ACER1: variants seen among roughly 807,000 people sequenced by gnomAD.
The protein encoded by ACER1 is CTB-180A7.3.
A neutral mutation model predicts 24.9 loss-of-function variants in ACER1; 28 were observed. That is an observed-to-expected ratio of 1.13 (90% confidence interval 0.83 to 1.54). ACER1 has a LOEUF of 1.54. Ranked by LOEUF, ACER1 falls within the 40% of genes most tolerant of loss-of-function variation. The pLI, the probability that ACER1 is intolerant of heterozygous loss-of-function variation, is 0.00. For synonymous variants in ACER1, 132 were observed against 131.4 expected (o/e 1.00, Z -0.03); for missense variants, 352 against 349.3 (o/e 1.01, Z -0.06).
At chr19:6,356,451 C>T in the ACER1 span, among the ~76,000 whole-genome samples, 1 of 149,692 alleles carries the variant, frequency 6.7e-6, no homozygotes, top group Non-Finnish European at 1.5e-5. Context: ...CTGCGAGAAA[C>T]ACCCAAGAAT....
chr19:6,357,710 C>T, the ACER1 span, among the ~76,000 whole-genome samples: 1 of 151,574 alleles, frequency 6.6e-6, no homozygotes. Flanking sequence ...CTTCAGTGAG[C>T]CGAGATCGCT....
At chr19:6,352,655 A>G in the ACER1 span, among the ~76,000 whole-genome samples, 1 of 152,252 alleles carries the variant, frequency 6.6e-6, no homozygotes, top group Non-Finnish European at 1.5e-5. Context: ...ATCTTAGTGC[A>G]CAGGTGCACA....
intron 3 of ACER1, 23 bp from the exon 4 acceptor site, chr19:6,309,857 G>A (rs749895269): frequency 6.2e-7 from 1 of 1,613,558 alleles, no homozygotes; most frequent in Non-Finnish European, 8.5e-7. Flanking sequence ...GGGCTCAGCT[G>A]TAGGCGGGAA....
At chr19:6,328,192 A>G (rs970211203) in intron 1 of ACER1, among the ~76,000 whole-genome samples, 5 of 151,452 alleles carry the variant, frequency 3.3e-5, no homozygotes, top group Non-Finnish European at 5.9e-5. Flanking sequence ...TGGATGGCCC[A>G]GAAAGCCAAA....
intron 1 of ACER1, among the ~76,000 whole-genome samples, chr19:6,323,237 A>G (rs111322393): frequency 0.038 from 5,808 of 151,904 alleles, 156 homozygotes; most frequent in Admixed American, 0.054. Flanking sequence ...TGGCTAACAC[A>G]GTGAAACCCC....
chr19:6,346,406 G>A, the ACER1 span, among the ~76,000 whole-genome samples: 1 of 151,004 alleles, frequency 6.6e-6, no homozygotes, highest in South Asian at 2.1e-4. Flanking sequence ...GGTATTCTAA[G>A]GTTATTGGTT....
At chr19:6,340,845 C>A in the ACER1 span, among the ~76,000 whole-genome samples, 7 of 152,098 alleles carry the variant, frequency 4.6e-5, no homozygotes, top group Non-Finnish European at 1.0e-4. Context: ...CAAACAGAGG[C>A]GTGTGAGCTC....
chr19:6,340,332 G>C, the ACER1 span, among the ~76,000 whole-genome samples: 1 of 141,004 alleles, frequency 7.1e-6, no homozygotes, highest in African/African-American at 2.7e-5. Context: ...AGGAAGGAAG[G>C]AAGGAAGGAA....
rs891682721 is a variant in ACER1 at position 6,325,244 on chromosome 19, A to C, written c.93+8215T>G. On this transcript the variant is annotated intron_variant, in intron 1 of 5. Coordinates refer to ENST00000301452, the MANE Select transcript of ACER1 (RefSeq NM_133492.3). ...CCTGACATTCCCAATTTGGCCCCTGAAAACCTTTCCAGTCCTTTCTCTCAC... is the reference window on the plus strand; with the variant it reads ...CCTGACATTCCCAATTTGGCCCCTGCAAACCTTTCCAGTCCTTTCTCTCAC... 2.6e-5 allele frequency among the ~76,000 whole-genome samples: 4 copies of C among 152,166 alleles called. 1 individual carries two copies. Among genetic ancestry groups the C allele is most frequent in the African/African-American group, 9.7e-5 (4 of 41,442 alleles).
At chr19:6,327,597 A>AAAAAT (rs936992347) in intron 1 of ACER1, among the ~76,000 whole-genome samples, 42 of 149,538 alleles carry the variant, frequency 2.8e-4, no homozygotes, top group East Asian at 7.7e-4. Flanking sequence ...ATAATAAAAT[A>AAAAAT]AAAATAAAAT....
At chr19:6,347,628 G>A in the ACER1 span, among the ~76,000 whole-genome samples, 10 of 151,716 alleles carry the variant, frequency 6.6e-5, no homozygotes, top group Non-Finnish European at 1.5e-5. Context: ...CTGGCGTCAG[G>A]AGTTCAAGAC....
intron 1 of ACER1, among the ~76,000 whole-genome samples, chr19:6,319,250 T>G (rs2091618600): frequency 6.6e-6 from 1 of 152,120 alleles, no homozygotes; most frequent in Non-Finnish European, 1.5e-5. Context: ...AGATACTGAC[T>G]AATGGGGGAC....
chr19:6,317,839 C>T (rs2091611230), intron 1 of ACER1, among the ~76,000 whole-genome samples: 1 of 152,036 alleles, frequency 6.6e-6, no homozygotes, highest in Admixed American at 6.6e-5. Context: ...ACTGCAACCT[C>T]CACCGCCCGG....
At chr19:6,335,065 AT>A (rs1216260399), upstream of ACER1, among the ~76,000 whole-genome samples, 4 of 146,770 alleles carry the variant, frequency 2.7e-5, no homozygotes, top group Non-Finnish European at 6.0e-5. Context: ...AAAATATAAA[AT>A]TATTATATTA....
At chr19:6,349,542 G>A in the ACER1 span, among the ~76,000 whole-genome samples, 1 of 151,674 alleles carries the variant, frequency 6.6e-6, no homozygotes, top group Non-Finnish European at 1.5e-5. Context: ...AGGGAGGAAG[G>A]GCAGACAGAA....
At position 6,326,859 on chromosome 19, in the gene ACER1, G is replaced by A. The variant is rs1012766963; in HGVS notation, c.93+6600C>T. ...AACATTCTAACCAAGCATGCGAACC[G>A]TTACGTCTTCATCTCTCCCCACATT... On this transcript the variant is annotated intron_variant, in intron 1 of 5. Transcript: ENST00000301452. Among the ~76,000 whole-genome samples the A allele has an allele frequency of 1.8e-4, 26 of 148,422 alleles. No homozygotes were observed. In the East Asian group the frequency reaches 3.0e-3, roughly 17 times the overall value.
intron 1 of ACER1, 76 bp downstream of exon 1, chr19:6,333,383 C>T: frequency 7.9e-7 from 1 of 1,271,470 alleles, no homozygotes; most frequent in Non-Finnish European, 1.1e-6. Flanking sequence ...CAAGATTCCC[C>T]AGTAAGGCTG....
intron 1 of ACER1, among the ~76,000 whole-genome samples, chr19:6,332,375 A>G (rs1049947381): frequency 1.3e-5 from 2 of 149,130 alleles, no homozygotes; most frequent in African/African-American, 5.0e-5. Flanking sequence ...GGTTCAAGAA[A>G]TCCTCCCCCC....
the ACER1 span, among the ~76,000 whole-genome samples, chr19:6,357,533 A>G: frequency 1.3e-5 from 2 of 152,000 alleles, no homozygotes; most frequent in African/African-American, 4.8e-5. Context: ...GGACTTTGGG[A>G]GGCTGACGCA....
Sources: gnomAD v4.1 joint callset for allele counts (sites outside exome capture counted in the v4.1 genomes callset) on GRCh38, gnomAD v4.1.1 for gene constraint, MANE v1.5 for transcripts, NCBI Gene and HGNC (gene_info 2026-07-23, HGNC 2026-07-21) for gene names.